Variants in TSHZ2 observed in about 807,000 individuals in gnomAD.
TSHZ2 encodes the protein teashirt homolog 2.
In TSHZ2, 21 loss-of-function variants were observed where a neutral mutation model predicts 74.4. The ratio of observed to expected loss-of-function variants is 0.28; its 90% CI spans 0.20 to 0.41. The LOEUF is 0.41. Ranked by LOEUF, TSHZ2 falls within the 10% of genes least tolerant of loss-of-function variation. TSHZ2 has a pLI of 1.00. For synonymous variants in TSHZ2, 540 were observed against 515.3 expected (o/e 1.05, Z -0.65); for missense variants, 1,244 against 1,293.5 (o/e 0.96, Z 0.59).
intron 2 of TSHZ2, among the ~76,000 whole-genome samples, chr20:53,296,650 G>A (rs933211795): frequency 5.9e-5 from 9 of 152,148 alleles, no homozygotes; most frequent in African/African-American, 2.2e-4. Context: ...TCCTTGGTCT[G>A]AGGTCAAAGC....
At chr20:52,978,575 T>C (rs1477578319) in intron 1 of TSHZ2, among the ~76,000 whole-genome samples, 2 of 152,202 alleles carry the variant, frequency 1.3e-5, no homozygotes, top group Non-Finnish European at 2.9e-5. Context: ...GAGTATCATT[T>C]TCGTTTGATG....
chr20:53,338,621 C>T (rs1568874738), intron 2 of TSHZ2, among the ~76,000 whole-genome samples: 1 of 152,160 alleles, frequency 6.6e-6, no homozygotes, highest in Non-Finnish European at 1.5e-5. Flanking sequence ...GGCAGATAGA[C>T]ACCAGGGAAG....
At chr20:53,486,629 G>A (rs552223047) in intron 2 of TSHZ2, among the ~76,000 whole-genome samples, 112 of 152,284 alleles carry the variant, frequency 7.4e-4, no homozygotes, top group African/African-American at 2.5e-3. Flanking sequence ...GCCGTGAGCC[G>A]TGATGATGCC....
At position 53,148,009 on chromosome 20, in the gene TSHZ2, C is replaced by T. The variant is rs116482676; in HGVS notation, c.41-105490C>T. On this transcript the variant is annotated intron_variant, in intron 1 of 2. Transcript: ENST00000371497. The stretch of plus-strand genomic sequence containing the variant: ...GATTACAGGCGTGAGCCACCATGCC[C>T]GGCCAGTGGGTCTATGTCTTATAAC... Among the ~76,000 whole-genome samples, 555 of 152,270 alleles carry T rather than the reference C, an allele frequency of 3.6e-3. 5 individuals carry two copies. The highest frequency in any genetic ancestry group is 0.013 in the African/African-American group (540 of 41,532).
At chr20:53,184,856 C>T (rs1244895034) in intron 1 of TSHZ2, among the ~76,000 whole-genome samples, 2 of 152,134 alleles carry the variant, frequency 1.3e-5, no homozygotes, top group Non-Finnish European at 2.9e-5. Flanking sequence ...TACAACCGTG[C>T]ACCACCATGC....
intron 1 of TSHZ2, among the ~76,000 whole-genome samples, chr20:53,055,695 ATG>A (rs1695929963): frequency 6.6e-6 from 1 of 152,142 alleles, no homozygotes. Flanking sequence ...CTCAACTGAC[ATG>A]TTACCTCTTT....
intron 1 of TSHZ2, among the ~76,000 whole-genome samples, chr20:52,997,267 G>GGT (rs1555813140): frequency 2.7e-5 from 4 of 150,800 alleles, no homozygotes; most frequent in Admixed American, 1.3e-4. Context: ...CCCGGGGGGG[G>GGT]GTTCAGCACT....
chr20:53,099,794 A>G (rs6068457), intron 1 of TSHZ2, among the ~76,000 whole-genome samples: 1,669 of 152,332 alleles, frequency 0.011, 21 homozygotes, highest in Non-Finnish European at 0.016. Flanking sequence ...CCATGATTCA[A>G]TTGTCTCTGA....
intron 1 of TSHZ2, among the ~76,000 whole-genome samples, chr20:53,024,569 C>T (rs538226187): frequency 6.6e-6 from 1 of 152,026 alleles, no homozygotes; most frequent in South Asian, 2.1e-4. Context: ...CATAGGTATA[C>T]ACGTGCCATG....
At chr20:53,109,520 A>C (rs1205580112) in intron 1 of TSHZ2, among the ~76,000 whole-genome samples, 1 of 152,154 alleles carries the variant, frequency 6.6e-6, no homozygotes, top group Non-Finnish European at 1.5e-5. Flanking sequence ...CCCTAGCTGG[A>C]CCTGAAGACG....
intron 1 of TSHZ2, among the ~76,000 whole-genome samples, chr20:53,152,419 C>G (rs570463917): frequency 2.6e-5 from 4 of 152,160 alleles, no homozygotes; most frequent in African/African-American, 4.8e-5. Flanking sequence ...CTAACCCTGA[C>G]CTTTATCCTG....
chr20:53,216,453 G>T lies in TSHZ2; in HGVS notation c.41-37046G>T, dbSNP rs558414225. On this transcript the variant is annotated intron_variant, in intron 1 of 2. Transcript: ENST00000371497. ...AATAGGCCACAGCCAGAGCACTGAA[G>T]GCCACAAATGTGAACCCCTAGCTAG... Among the ~76,000 whole-genome samples, 7 of 152,346 alleles carry T rather than the reference G, an allele frequency of 4.6e-5. No individual in the cohort carries two copies. In the South Asian group the frequency reaches 1.4e-3, roughly 32 times the overall value.
Position 53,154,761 on chromosome 20 carries a change from T to C in TSHZ2, c.41-98738T>C, listed in dbSNP as rs574029343. On this transcript the variant is annotated intron_variant, in intron 1 of 2. Coordinates refer to ENST00000371497, the MANE Select transcript of TSHZ2 (RefSeq NM_173485.6). ...AAGGTTCTTATCTATAAAGTGAGTA[T>C]AGAAGTGTAGCTCCCTCCAAATTTT... is the stretch of plus-strand genomic sequence containing the variant. Among the ~76,000 whole-genome samples, 4 of 152,304 alleles carry C rather than the reference T, an allele frequency of 2.6e-5. No homozygotes were observed. The South Asian group carries it at 8.3e-4, about 32-fold the overall frequency.
intron 1 of TSHZ2, among the ~76,000 whole-genome samples, chr20:53,109,098 C>T (rs1986459305): frequency 6.9e-6 from 1 of 143,986 alleles, no homozygotes; most frequent in African/African-American, 2.5e-5. Context: ...TCTCTCCATA[C>T]AAACATTCTC....
intron 1 of TSHZ2, among the ~76,000 whole-genome samples, chr20:53,147,799 C>T (rs776430538): frequency 6.6e-6 from 1 of 152,168 alleles, no homozygotes; most frequent in Non-Finnish European, 1.5e-5. Context: ...TCACTGCAAC[C>T]TCCACCTCCT....
chr20:53,373,760 C>T (rs1271411986), intron 2 of TSHZ2, among the ~76,000 whole-genome samples: 1 of 152,178 alleles, frequency 6.6e-6, no homozygotes, highest in Non-Finnish European at 1.5e-5. Context: ...GTCAGAGCTA[C>T]AGGTCAAAGG....
intron 1 of TSHZ2, among the ~76,000 whole-genome samples, chr20:53,087,626 G>C (rs968304177): frequency 6.6e-6 from 1 of 152,176 alleles, no homozygotes; most frequent in Admixed American, 6.5e-5. Context: ...AAACAGACTG[G>C]CAAGGTCTTA....
chr20:53,069,754 C>A (rs1412052685), intron 1 of TSHZ2, among the ~76,000 whole-genome samples: 2 of 150,878 alleles, frequency 1.3e-5, no homozygotes, highest in East Asian at 4.0e-4. Flanking sequence ...AGAGACGCCA[C>A]TGGATGAGGG....
intron 1 of TSHZ2, among the ~76,000 whole-genome samples, chr20:53,103,058 C>T (rs1986263439): frequency 6.6e-6 from 1 of 151,982 alleles, no homozygotes; most frequent in Non-Finnish European, 1.5e-5. Flanking sequence ...AACATATGAG[C>T]GCACGTGTAC....
Sources: gnomAD v4.1 joint callset for allele counts (sites outside exome capture counted in the v4.1 genomes callset) on GRCh38, gnomAD v4.1.1 for gene constraint, MANE v1.5 for transcripts, NCBI Gene and HGNC (gene_info 2026-07-23, HGNC 2026-07-21) for gene names.